The following NRG1 variants were observed in gnomAD, a reference collection of about 807,000 sequenced individuals.
The protein encoded by NRG1 is pro-neuregulin-1, membrane-bound isoform.
NRG1 carries 18 observed loss-of-function variants against 63.8 expected under a neutral mutation model. That is an observed-to-expected ratio of 0.28 (90% CI 0.19 to 0.42). The LOEUF is 0.42. Among genes scored for constraint, NRG1 ranks in the 10% least tolerant of loss-of-function variants. NRG1 has a pLI of 1.00. For missense variants in NRG1, 762 were observed against 814.7 expected (o/e 0.94, Z 0.79); for synonymous variants, 302 against 301.3 (o/e 1.00, Z -0.02).
intron 1 of NRG1, among the ~76,000 whole-genome samples, chr8:32,224,546 T>C (rs547234347): frequency 3.2e-4 from 49 of 152,322 alleles, no homozygotes; most frequent in African/African-American, 1.1e-3. Flanking sequence ...CCTGTCTGCA[T>C]TAGGCTTAGG....
At chr8:32,613,835 C>T (rs1846822528) in intron 3 of NRG1, among the ~76,000 whole-genome samples, 2 of 151,980 alleles carry the variant, frequency 1.3e-5, no homozygotes, top group Admixed American at 1.3e-4. Flanking sequence ...TGTAACTACC[C>T]ATTCCATCAT....
At chr8:32,437,530 C>T (rs149340627) in intron 1 of NRG1, among the ~76,000 whole-genome samples, 10 of 152,206 alleles carry the variant, frequency 6.6e-5, no homozygotes, top group African/African-American at 1.9e-4. Flanking sequence ...CAAATAAACT[C>T]GAGAATCTCA....
intron 1 of NRG1, among the ~76,000 whole-genome samples, chr8:32,573,936 A>G (rs976692135): frequency 6.6e-6 from 1 of 152,078 alleles, no homozygotes; most frequent in Non-Finnish European, 1.5e-5. Context: ...GTTTGCTGAG[A>G]ATGATGATTT....
At chr8:32,486,627 ATT>A (rs1554557143) in intron 1 of NRG1, among the ~76,000 whole-genome samples, 1 of 145,512 alleles carries the variant, frequency 6.9e-6, no homozygotes. Flanking sequence ...GAATTGCTGG[ATT>A]TTTTTTTTTT....
At chr8:31,756,474 G>A (rs942648552) in intron 1 of NRG1, among the ~76,000 whole-genome samples, 2 of 152,056 alleles carry the variant, frequency 1.3e-5, no homozygotes, top group Non-Finnish European at 2.9e-5. Flanking sequence ...GAGGAATGCC[G>A]AGTTACATTA....
chr8:32,256,187 C>T (rs181776493), intron 1 of NRG1, among the ~76,000 whole-genome samples: 1 of 152,266 alleles, frequency 6.6e-6, no homozygotes, highest in African/African-American at 2.4e-5. Context: ...CTAATTCTGT[C>T]AATTCATCAA....
intron 5 of NRG1, among the ~76,000 whole-genome samples, chr8:32,678,392 T>C (rs545800598): frequency 6.6e-6 from 1 of 152,132 alleles, no homozygotes; most frequent in African/African-American, 2.4e-5. Flanking sequence ...AAGATTGCTA[T>C]CAGTATCAGA....
intron 1 of NRG1, among the ~76,000 whole-genome samples, chr8:32,203,033 A>G (rs970415613): frequency 6.6e-6 from 1 of 151,826 alleles, no homozygotes; most frequent in African/African-American, 2.4e-5. Flanking sequence ...TTGTAAAACT[A>G]CATATGACTC....
At chr8:32,478,440 C>A (rs1196010027) in intron 1 of NRG1, among the ~76,000 whole-genome samples, 1 of 152,220 alleles carries the variant, frequency 6.6e-6, no homozygotes, top group Non-Finnish European at 1.5e-5. Context: ...CTGTGTAGGA[C>A]ACGCCTATGC....
At chr8:32,751,272 G>A (rs955246831) in intron 7 of NRG1, 1 of 152,194 alleles carries the variant, frequency 6.6e-6, no homozygotes, top group Non-Finnish European at 1.5e-5. Flanking sequence ...AGAAAGGTAA[G>A]GGCTCTGTTT....
At chr8:32,212,519 G>T (rs946004148) in intron 1 of NRG1, among the ~76,000 whole-genome samples, 1 of 152,038 alleles carries the variant, frequency 6.6e-6, no homozygotes, top group African/African-American at 2.4e-5. Flanking sequence ...AGCCACATGT[G>T]GTCAGTAAGT....
At chr8:32,262,882 G>C (rs1473863402) in intron 1 of NRG1, among the ~76,000 whole-genome samples, 8 of 152,078 alleles carry the variant, frequency 5.3e-5, no homozygotes, top group Admixed American at 1.3e-4. Flanking sequence ...CAAATCATGA[G>C]AGTTTGCCAA....
rs4036035 is a variant in NRG1 at position 31,770,770 on chromosome 8, CATATATAT to C, written c.37+131359_37+131366del. Among the ~76,000 whole-genome samples, 254 of 140,484 alleles carry C rather than the reference CATATATAT, an allele frequency of 1.8e-3. 3 individuals carry two copies. The highest frequency in any genetic ancestry group is 5.9e-3 in the African/African-American group (226 of 38,420). 92.2% of individuals were successfully genotyped at this position (140,484 alleles called of 152,430 possible). On this transcript the variant is annotated intron_variant, in intron 1 of 10. Transcript: ENST00000519301. ...ACCCTAGAACTTAAAGTATAATAAA[CATATATAT>C]ATATATATATATATATATACATATA...
At chr8:31,747,615 G>A (rs1346468504) in intron 1 of NRG1, among the ~76,000 whole-genome samples, 3 of 151,916 alleles carry the variant, frequency 2.0e-5, no homozygotes, top group Admixed American at 1.3e-4. Context: ...GCCGGAGGGA[G>A]ATGCCTGTGT....
intron 1 of NRG1, among the ~76,000 whole-genome samples, chr8:31,851,882 G>A (rs942718350): frequency 2.0e-5 from 3 of 151,032 alleles, no homozygotes; most frequent in African/African-American, 4.9e-5. Context: ...TCTTGCGATA[G>A]TTTACTGAGA....
At chr8:32,197,408 C>T (rs1432430755) in intron 1 of NRG1, among the ~76,000 whole-genome samples, 3 of 152,146 alleles carry the variant, frequency 2.0e-5, no homozygotes, top group African/African-American at 7.2e-5. Flanking sequence ...TTGTTTCATG[C>T]TCTCTCTTAA....
chr8:31,963,713 G>A (rs891982691), intron 1 of NRG1, among the ~76,000 whole-genome samples: 2 of 151,940 alleles, frequency 1.3e-5, no homozygotes, highest in Non-Finnish European at 2.9e-5. Context: ...TCTCCTTTCT[G>A]CTTGGTGAAA....
chr8:32,436,372 C>G (rs541539811), intron 1 of NRG1, among the ~76,000 whole-genome samples: 1 of 152,264 alleles, frequency 6.6e-6, no homozygotes, highest in East Asian at 1.9e-4. Context: ...GGAACACAGC[C>G]AAACCATATC....
chr8:31,957,369 G>A (rs916369323), intron 1 of NRG1, among the ~76,000 whole-genome samples: 1 of 152,056 alleles, frequency 6.6e-6, no homozygotes, highest in African/African-American at 2.4e-5. Context: ...GAAAAATATG[G>A]TGCACTGGGC....
Sources: allele counts gnomAD v4.1 joint callset (sites outside exome capture counted in the v4.1 genomes callset), GRCh38; gene constraint gnomAD v4.1.1; transcripts MANE v1.5; gene names NCBI Gene and HGNC (gene_info 2026-07-23, HGNC 2026-07-21).